The following CFAP58 variants were observed in gnomAD, a reference collection of about 807,000 sequenced individuals.
CFAP58 encodes cilia- and flagella-associated protein 58.
Under a neutral mutation model 119.5 loss-of-function variants are expected in CFAP58, and 88 were observed. That is an observed-to-expected ratio of 0.74 (90% CI 0.62 to 0.88). The LOEUF (loss-of-function observed/expected upper bound fraction) is 0.88. Ranked by LOEUF, CFAP58 falls within the 40% of genes least tolerant of loss-of-function variation. CFAP58 has a pLI of 0.00. For missense variants in CFAP58, 990 were observed against 1,021.2 expected (o/e 0.97, Z 0.42); for synonymous variants, 365 against 366.3 (o/e 1.00, Z 0.04).
chr10:104,410,760 G>T lies in CFAP58; in HGVS notation c.2256+3967G>T, dbSNP rs2012447193. 2.0e-5 allele frequency among the ~76,000 whole-genome samples: 3 copies of T among 152,130 alleles called. No individual in the cohort carries two copies. In the South Asian group the frequency reaches 6.2e-4, roughly 32 times the overall value. On this transcript the variant is annotated intron_variant, in intron 15 of 17. Coordinates refer to ENST00000369704, the MANE Select transcript of CFAP58 (RefSeq NM_001008723.2). Reference sequence around the variant, plus strand: ...AACACACTCCATTTCCTGAATCTGAGGGTTCCTGTGTCTTCGAATAGTCTC... The same window carrying T: ...AACACACTCCATTTCCTGAATCTGATGGTTCCTGTGTCTTCGAATAGTCTC...
intron 14 of CFAP58, among the ~76,000 whole-genome samples, chr10:104,404,943 T>C (rs982497470): frequency 2.0e-5 from 3 of 152,204 alleles, no homozygotes; most frequent in Admixed American, 2.0e-4. Context: ...GAAAAGACAA[T>C]ATGTATTTTA....
At chr10:104,370,324 G>T (rs752090269) in intron 6 of CFAP58, among the ~76,000 whole-genome samples, 5 of 152,114 alleles carry the variant, frequency 3.3e-5, no homozygotes, top group Admixed American at 6.6e-5. Flanking sequence ...CCCAAGACTG[G>T]GCAATTTACA....
intron 15 of CFAP58, among the ~76,000 whole-genome samples, chr10:104,440,802 ACTT>A (rs1312538025): frequency 6.6e-6 from 1 of 152,088 alleles, no homozygotes; most frequent in African/African-American, 2.4e-5. Context: ...TATTACTGCT[ACTT>A]CTTCTCCCAC....
At chr10:104,402,674 C>T (rs2012286567) in intron 13 of CFAP58, among the ~76,000 whole-genome samples, 1 of 152,202 alleles carries the variant, frequency 6.6e-6, no homozygotes. Context: ...TCAGCCAGAG[C>T]TAGTTATTCA....
At chr10:104,396,184 CT>C (rs1456160056) in intron 11 of CFAP58, among the ~76,000 whole-genome samples, 6 of 152,192 alleles carry the variant, frequency 3.9e-5, no homozygotes, top group African/African-American at 1.4e-4. Flanking sequence ...CAAGCCCCTG[CT>C]TCTATCTTGT....
chr10:104,361,928 C>T (rs1461825209), intron 2 of CFAP58, 95 bp from the exon 3 acceptor site: 4 of 1,192,660 alleles, frequency 3.4e-6, no homozygotes, highest in Non-Finnish European at 1.2e-6. Flanking sequence ...ATTTATATAA[C>T]TACACTGTGG....
At chr10:104,383,874 C>T (rs2011871277) in intron 9 of CFAP58, among the ~76,000 whole-genome samples, 1 of 151,962 alleles carries the variant, frequency 6.6e-6, no homozygotes, top group African/African-American at 2.4e-5. Context: ...TGTCATGAAA[C>T]TGACATTTTC....
At chr10:104,357,866 TACAC>T (rs1424351168) in intron 1 of CFAP58, among the ~76,000 whole-genome samples, 1 of 103,062 alleles carries the variant, frequency 9.7e-6, no homozygotes, top group African/African-American at 3.9e-5. Context: ...TACACATATA[TACAC>T]ATATATGTAC....
the CFAP58 span, among the ~76,000 whole-genome samples, chr10:104,347,365 A>C: frequency 7.4e-3 from 1,133 of 152,184 alleles, 31 homozygotes; most frequent in African/African-American, 0.026. Context: ...TTAGTGCTGC[A>C]GTAGTCTGGA....
intron 5 of CFAP58, among the ~76,000 whole-genome samples, chr10:104,367,498 T>A (rs1467331968): frequency 1.3e-5 from 2 of 152,216 alleles, no homozygotes; most frequent in South Asian, 4.1e-4. Flanking sequence ...TAATTCACAG[T>A]GTGCCGCCTC....
At chr10:104,448,127 T>C (rs980192949) in intron 16 of CFAP58, among the ~76,000 whole-genome samples, 1 of 152,210 alleles carries the variant, frequency 6.6e-6, no homozygotes, top group Non-Finnish European at 1.5e-5. Flanking sequence ...GATGATTTAT[T>C]AGAGTACTTG....
intron 15 of CFAP58, among the ~76,000 whole-genome samples, chr10:104,424,162 A>G (rs2012705006): frequency 1.3e-5 from 2 of 152,162 alleles, no homozygotes; most frequent in East Asian, 1.9e-4. Context: ...CCTACTCTGC[A>G]TGTATTTAAT....
Position 104,371,209 on chromosome 10 carries a change from T to C in CFAP58, c.1090+155T>C, listed in dbSNP as rs568146509. Among the ~76,000 whole-genome samples the C allele has an allele frequency of 2.7e-5, 4 of 150,412 alleles. No homozygotes were observed. In the South Asian group the frequency reaches 8.6e-4, roughly 32 times the overall value. ...GGTAAACAGTCAATATGGGGTGGGGTGGGGGGCATCATTTTGAACACCTTA... is the reference window on the plus strand; with the variant it reads ...GGTAAACAGTCAATATGGGGTGGGGCGGGGGGCATCATTTTGAACACCTTA... On this transcript the variant is annotated intron_variant, in intron 7 of 17. Coordinates refer to ENST00000369704, the MANE Select transcript of CFAP58 (RefSeq NM_001008723.2).
At chr10:104,362,315 T>C in intron 3 of CFAP58, 144 bp downstream of exon 3, 4 of 691,716 alleles carry the variant, frequency 5.8e-6, no homozygotes, top group Non-Finnish European at 9.2e-6. Context: ...GATTGTTTTC[T>C]GTCTGTTGCA....
chr10:104,388,723 C>A (rs1034007225), intron 9 of CFAP58, among the ~76,000 whole-genome samples: 3 of 152,208 alleles, frequency 2.0e-5, no homozygotes, highest in Non-Finnish European at 4.4e-5. Context: ...TCTAATCCCA[C>A]CTTGGTCTAT....
chr10:104,382,251 G>A (rs1239775322), intron 9 of CFAP58: 4 of 712,472 alleles, frequency 5.6e-6, no homozygotes, highest in Non-Finnish European at 7.9e-6. Context: ...ATATTCCACC[G>A]GCCAACCAAG....
intron 9 of CFAP58, among the ~76,000 whole-genome samples, chr10:104,391,926 G>A (rs538739384): frequency 6.6e-5 from 10 of 152,196 alleles, no homozygotes; most frequent in African/African-American, 2.2e-4. Flanking sequence ...TTTTTTGGGG[G>A]TAGGGTGGTC....
chr10:104,454,132 A>G (rs564613105), intron 17 of CFAP58, among the ~76,000 whole-genome samples: 2 of 152,322 alleles, frequency 1.3e-5, no homozygotes, highest in South Asian at 4.1e-4. Context: ...ATAAAACAGG[A>G]AGATGATTCC....
upstream of CFAP58, among the ~76,000 whole-genome samples, chr10:104,349,039 G>C (rs2014429742): frequency 6.6e-6 from 1 of 152,182 alleles, no homozygotes; most frequent in Non-Finnish European, 1.5e-5. Flanking sequence ...TTGAGGTCAG[G>C]AGTTTGAGAC....
Sources: gnomAD v4.1 joint callset for allele counts (sites outside exome capture counted in the v4.1 genomes callset) on GRCh38, gnomAD v4.1.1 for gene constraint, MANE v1.5 for transcripts, NCBI Gene and HGNC (gene_info 2026-07-23, HGNC 2026-07-21) for gene names.